ITGB1: variants seen among roughly 807,000 people sequenced by gnomAD.
ITGB1 encodes the protein integrin subunit beta 1, also known as integrin beta-1.
Under a neutral mutation model 86.5 loss-of-function variants are expected in ITGB1, and 24 were observed. That is an observed-to-expected ratio of 0.28 (90% CI 0.20 to 0.39). The LOEUF (loss-of-function observed/expected upper bound fraction) is 0.39. Among genes scored for constraint, ITGB1 ranks in the 10% least tolerant of loss-of-function variants. ITGB1 has a pLI of 1.00. For synonymous variants in ITGB1, 323 were observed against 316.8 expected (o/e 1.02, Z -0.21); for missense variants, 556 against 946.9 (o/e 0.59, Z 5.42).
At position 32,919,905 on chromosome 10, in the gene ITGB1, T is replaced by C. The variant is rs1237785807; in HGVS notation, c.1449A>G (p.Thr483=). The C allele has an allele frequency of 6.2e-7, 1 of 1,614,126 alleles. No individual in the cohort carries two copies. Among genetic ancestry groups the C allele is most frequent in the East Asian group, 2.2e-5 (1 of 44,876 alleles). ...CTTACCTGCACGCGCCACACTCAAA[T>C]GTCCCATTTCCTTCATGACACTTGG... ...ESPKCHEGNG[T]FECGACRCNE... Residue 483 remains threonine, a synonymous_variant, in exon 11 of 16, where the codon ACA becomes ACG. Coordinates refer to ENST00000302278, the MANE Select transcript of ITGB1 (RefSeq NM_002211.4).
chr10:32,901,475 G>A lies in ITGB1; in HGVS notation c.*95C>T, dbSNP rs2094881718. 3.7e-6 allele frequency: 3 copies of A among 807,096 alleles called. No individual in the cohort carries two copies. Among genetic ancestry groups the A allele is most frequent in the African/African-American group, 1.7e-5 (1 of 57,328 alleles). The allele number at this position is 807,096 out of a possible 1,614,324, so 50.0% of individuals were successfully genotyped here. ...GTACATTTTCAAAACCTGCACATGA[G>A]TAAAACCATGGCAATATTGCCCTAA... is the stretch of plus-strand genomic sequence containing the variant. On this transcript the variant is annotated 3_prime_UTR_variant, in exon 16 of 16. Transcript: ENST00000302278.
At chr10:32,907,162 T>C in intron 15 of ITGB1, 1 of 1,069,026 alleles carries the variant, frequency 9.4e-7, no homozygotes, top group South Asian at 1.3e-5. Context: ...AAAGAAATAG[T>C]TTCTAATGAT....
At chr10:32,937,988 G>A (rs1167254064) in intron 1 of ITGB1, among the ~76,000 whole-genome samples, 1 of 152,208 alleles carries the variant, frequency 6.6e-6, no homozygotes, top group Non-Finnish European at 1.5e-5. Flanking sequence ...CGAGAGAAAA[G>A]AGTTAAGCGT....
At chr10:32,937,796 G>A (rs904975619) in intron 1 of ITGB1, among the ~76,000 whole-genome samples, 2 of 152,134 alleles carry the variant, frequency 1.3e-5, no homozygotes, top group Admixed American at 1.3e-4. Context: ...GAAAACAACT[G>A]TAGCACAATT....
chr10:32,922,608 A>G, intron 8 of ITGB1, 32 bp downstream of exon 8: 1 of 1,325,050 alleles, frequency 7.5e-7, no homozygotes, highest in African/African-American at 1.5e-5. Context: ...AAAAATGTTT[A>G]GAATCTTGTT....
chr10:32,907,724 CA>C (rs2094900787), intron 15 of ITGB1, among the ~76,000 whole-genome samples: 1 of 151,946 alleles, frequency 6.6e-6, no homozygotes, highest in African/African-American at 2.4e-5. Context: ...TAGTATATAG[CA>C]GGGGTGTCCA....
At chr10:32,950,388 T>C (rs2137265682) in intron 1 of ITGB1, among the ~76,000 whole-genome samples, 1 of 152,170 alleles carries the variant, frequency 6.6e-6, no homozygotes, top group South Asian at 2.1e-4. Context: ...GGAGATGAGT[T>C]CCTCCCATGG....
Position 32,908,575 on chromosome 10 carries a change from G to C in ITGB1, c.2165-41C>G, listed in dbSNP as rs151254059. On this transcript the variant is annotated intron_variant, in intron 14 of 15. Coordinates refer to ENST00000302278, the MANE Select transcript of ITGB1 (RefSeq NM_002211.4). ...GTAATAATGAGCACCACAAAGAGCT[G>C]TGCAGTGTCTTATAAAAAACATACA... The C allele has an allele frequency of 2.6e-4, 402 of 1,561,178 alleles. 1 individual carries two copies. In the Middle Eastern group the frequency reaches 9.3e-3, roughly 36 times the overall value.
In ITGB1 at chr10:32,929,968, G is replaced by A. The variant is rs2137225538; in HGVS notation, c.230C>T (p.Pro77Leu). 7.9e-7 allele frequency: 1 copy of A among 1,271,952 alleles called. No homozygotes were observed. Among genetic ancestry groups the A allele is most frequent in the Non-Finnish European group, 1.2e-6 (1 of 867,158 alleles). 78.8% of individuals were successfully genotyped at this position (1,271,952 alleles called of 1,614,324 possible). A position where few individuals can be genotyped will look rare whatever the true frequency, so the allele number is the denominator to read the frequency against. ...GCCTCTGGGATTTTCTATGTCATCT[G>A]GAGGGCAACCCTTCTTTTTTAAGGC... Reference protein sequence around the residue: ...LEALKKKGCPPDDIENPRGSK... With the variant: ...LEALKKKGCPLDDIENPRGSK... The change falls in exon 4 of 16, where the codon CCA becomes CTA. Residue 77 changes from proline to leucine, a missense_variant. Pro to Leu is a moderately conservative substitution (Grantham distance 98). This residue lies in a region of ITGB1 where 183 missense variants were observed against 263.9 expected (regional missense o/e 0.69). Coordinates refer to ENST00000302278, the MANE Select transcript of ITGB1 (RefSeq NM_002211.4).
intron 15 of ITGB1, among the ~76,000 whole-genome samples, chr10:32,903,519 G>A (rs376669514): frequency 6.6e-6 from 1 of 151,980 alleles, no homozygotes; most frequent in East Asian, 1.9e-4. Context: ...TATAAAGGCT[G>A]GGTCCTGCAA....
At chr10:32,951,842 G>A (rs2095043276) in intron 1 of ITGB1, 1 of 152,184 alleles carries the variant, frequency 6.6e-6, no homozygotes, top group South Asian at 2.1e-4. Flanking sequence ...TGTGAGTGGA[G>A]CCAGCAAAAG....
intron 11 of ITGB1, among the ~76,000 whole-genome samples, chr10:32,912,609 C>T (rs2094917028): frequency 6.6e-6 from 1 of 152,068 alleles, no homozygotes; most frequent in Non-Finnish European, 1.5e-5. Context: ...GCAGGGAGGC[C>T]GAGGGAGGGG....
At chr10:32,947,649 T>C (rs2095034469) in intron 1 of ITGB1, among the ~76,000 whole-genome samples, 1 of 152,144 alleles carries the variant, frequency 6.6e-6, no homozygotes, top group African/African-American at 2.4e-5. Flanking sequence ...GTCTTTATAT[T>C]GAATAAATGA....
intron 11 of ITGB1, among the ~76,000 whole-genome samples, chr10:32,914,146 C>G (rs911176499): frequency 6.6e-6 from 1 of 152,168 alleles, no homozygotes; most frequent in Non-Finnish European, 1.5e-5. Context: ...GCCTGCCTTA[C>G]AAGAGCTCCT....
intron 3 of ITGB1, among the ~76,000 whole-genome samples, chr10:32,932,208 T>C (rs1436419586): frequency 2.0e-5 from 3 of 152,012 alleles, no homozygotes; most frequent in Non-Finnish European, 4.4e-5. Flanking sequence ...AAAGAGAAAA[T>C]TTTAACACTG....
At chr10:32,949,778 T>C (rs2095039157) in intron 1 of ITGB1, among the ~76,000 whole-genome samples, 1 of 152,310 alleles carries the variant, frequency 6.6e-6, no homozygotes, top group South Asian at 2.1e-4. Flanking sequence ...TTTTATATCA[T>C]GTTCAAACTT....
chr10:32,923,373 G>T (rs1164269095), intron 7 of ITGB1, among the ~76,000 whole-genome samples: 4 of 152,100 alleles, frequency 2.6e-5, no homozygotes, highest in Non-Finnish European at 4.4e-5. Context: ...CCCCAGTGAG[G>T]CCCTTGTCTG....
intron 15 of ITGB1, among the ~76,000 whole-genome samples, chr10:32,902,678 T>TA (rs1033046870): frequency 9.2e-5 from 14 of 152,298 alleles, no homozygotes; most frequent in African/African-American, 2.9e-4. Context: ...AGGTGATTTT[T>TA]AAAAAAATAT....
intron 2 of ITGB1, 49 bp from the exon 3 acceptor site, chr10:32,932,649 G>T: frequency 9.8e-7 from 1 of 1,024,812 alleles, no homozygotes; most frequent in Non-Finnish European, 1.5e-6. Flanking sequence ...GTGTCAGAGA[G>T]AAAATAATGA....
Sources: allele counts gnomAD v4.1 joint callset (sites outside exome capture counted in the v4.1 genomes callset), GRCh38; gene constraint gnomAD v4.1.1; regional missense constraint gnomAD v4.1.1; transcripts MANE v1.5; gene names NCBI Gene and HGNC (gene_info 2026-07-23, HGNC 2026-07-21).